Variants in GRIK2 observed in about 807,000 individuals in gnomAD.
The protein encoded by GRIK2 is glutamate ionotropic receptor kainate type subunit 2.
A neutral mutation model predicts 100.3 loss-of-function variants in GRIK2; 32 were observed. The observed-to-expected ratio is 0.32, with a 90% CI of 0.24 to 0.43. The LOEUF is 0.43. GRIK2 is among the 20% of genes least tolerant of loss of function. The probability of loss-of-function intolerance (pLI) is 1.00; values close to 1 mark genes in which losing one functional copy is unlikely to be tolerated. For synonymous variants in GRIK2, 417 were observed against 389.4 expected, an observed-to-expected ratio of 1.07 and a Z score of -0.83; for missense variants, 843 against 1,114.9, an observed-to-expected ratio of 0.76 and a Z score of 3.47.
chr6:101,482,644 A>T (rs1196533690), intron 2 of GRIK2, among the ~76,000 whole-genome samples: 1 of 152,180 alleles, frequency 6.6e-6, no homozygotes, highest in African/African-American at 2.4e-5. Flanking sequence ...AAGTTTAAGT[A>T]GATTTGAGGC....
chr6:101,681,404 ATTTT>A (rs149557882), intron 5 of GRIK2, among the ~76,000 whole-genome samples: 6,934 of 111,978 alleles, frequency 0.062, 375 homozygotes, highest in African/African-American at 0.2. Flanking sequence ...TTTCTTTTCT[ATTTT>A]TTTTTTTTTT....
intron 2 of GRIK2, among the ~76,000 whole-genome samples, chr6:101,591,669 G>A (rs1410987404): frequency 3.3e-5 from 5 of 151,980 alleles, no homozygotes; most frequent in Non-Finnish European, 7.4e-5. Flanking sequence ...AATAAGAAAT[G>A]TACTGTTAAC....
chr6:101,831,788 T>A (rs553326420), intron 10 of GRIK2, among the ~76,000 whole-genome samples: 19 of 152,242 alleles, frequency 1.2e-4, no homozygotes, highest in African/African-American at 4.6e-4. Context: ...GCAATGAAAA[T>A]ACTAGTAGTT....
chr6:101,782,072 T>C (rs1039543701), intron 7 of GRIK2, among the ~76,000 whole-genome samples: 11 of 152,166 alleles, frequency 7.2e-5, no homozygotes, highest in Non-Finnish European at 1.0e-4. Context: ...CATGTGATCA[T>C]TTGTTACATC....
intron 2 of GRIK2, among the ~76,000 whole-genome samples, chr6:101,509,036 T>C (rs138626959): frequency 1.3e-5 from 2 of 151,568 alleles, no homozygotes; most frequent in East Asian, 2.0e-4. Context: ...CGGGCACCTG[T>C]AGTCACAGCT....
chr6:101,454,063 G>A (rs1180050192), intron 2 of GRIK2, among the ~76,000 whole-genome samples: 2 of 152,054 alleles, frequency 1.3e-5, no homozygotes, highest in East Asian at 1.9e-4. Flanking sequence ...GAAGAAGGGG[G>A]ACAATTGAGT....
At chr6:101,907,271 A>G (rs534310256) in intron 12 of GRIK2, among the ~76,000 whole-genome samples, 36 of 151,876 alleles carry the variant, frequency 2.4e-4, no homozygotes, top group Admixed American at 7.3e-4. Flanking sequence ...ATAGTTTATA[A>G]ACATCATCTG....
At chr6:101,843,350 T>C (rs1384575360) in intron 10 of GRIK2, among the ~76,000 whole-genome samples, 4 of 152,170 alleles carry the variant, frequency 2.6e-5, no homozygotes, top group Non-Finnish European at 2.9e-5. Context: ...TCTTTCTTGC[T>C]CCACACTTTT....
chr6:101,536,454 G>T lies in GRIK2; in HGVS notation c.116-85495G>T, dbSNP rs573378604. Among the ~76,000 whole-genome samples, 62 of 151,626 alleles carry T rather than the reference G, an allele frequency of 4.1e-4. 1 individual carries two copies. The highest frequency in any genetic ancestry group is 8.6e-4 in the Non-Finnish European group (58 of 67,678). On this transcript the variant is annotated intron_variant, in intron 2 of 16. Transcript: ENST00000369134. ...ACAAAATCTAAGAGTTGGGGTATAA[G>T]GGGTAGGACCACACAAAAAGCAAAA...
intron 10 of GRIK2, among the ~76,000 whole-genome samples, chr6:101,819,643 A>C (rs1041943552): frequency 6.6e-6 from 1 of 152,138 alleles, no homozygotes; most frequent in Non-Finnish European, 1.5e-5. Context: ...CCTCTTCTTC[A>C]GTCAAAATGT....
At chr6:102,006,392 T>TATA (rs1562105606) in intron 14 of GRIK2, among the ~76,000 whole-genome samples, 3,024 of 95,948 alleles carry the variant, frequency 0.032, 81 homozygotes, top group East Asian at 0.19. Context: ...ATATATATAT[T>TATA]TTTTTTTTTT....
intron 1 of GRIK2, among the ~76,000 whole-genome samples, chr6:101,396,353 T>C (rs978209629): frequency 2.6e-5 from 4 of 151,928 alleles, no homozygotes; most frequent in East Asian, 1.9e-4. Flanking sequence ...TGATAACTAA[T>C]TGTACATTTA....
chr6:101,671,019 G>T (rs1215893710), intron 4 of GRIK2, among the ~76,000 whole-genome samples: 1 of 152,130 alleles, frequency 6.6e-6, no homozygotes, highest in Non-Finnish European at 1.5e-5. Flanking sequence ...ATTTACATTT[G>T]ACGCTCACAA....
chr6:101,802,420 G>A lies in GRIK2; in HGVS notation c.1185G>A (p.Lys395=), dbSNP rs751484743. The change falls in exon 9 of 17, where the codon AAG becomes AAA. Residue 395 remains lysine (K), a synonymous_variant. Transcript: ENST00000369134. The part of the protein sequence containing the change: ...TDFDLDVISL[K]EEGLEKIGTW... ...TTGATTTGGATGTGATCAGTCTGAA[G>A]GAAGAAGGTCTAGAAAAGGTATTTC... The A allele has an allele frequency of 1.3e-6, 2 of 1,545,912 alleles. No homozygotes were observed. Among genetic ancestry groups the A allele is most frequent in the East Asian group, 4.6e-5 (2 of 43,206 alleles).
At chr6:101,415,083 A>G (rs1459040595) in intron 2 of GRIK2, among the ~76,000 whole-genome samples, 2 of 150,800 alleles carry the variant, frequency 1.3e-5, no homozygotes, top group Non-Finnish European at 3.0e-5. Context: ...TGAAAATAAA[A>G]CCTCCCATAA....
At chr6:101,551,571 T>C (rs532734509) in intron 2 of GRIK2, among the ~76,000 whole-genome samples, 64 of 152,264 alleles carry the variant, frequency 4.2e-4, no homozygotes, top group Middle Eastern at 6.8e-3. Flanking sequence ...ATTATTTTCA[T>C]TGATTTATTT....
At chr6:101,501,846 CT>C (rs1360843096) in intron 2 of GRIK2, among the ~76,000 whole-genome samples, 9 of 152,168 alleles carry the variant, frequency 5.9e-5, no homozygotes, top group Non-Finnish European at 1.5e-5. Flanking sequence ...CAACCTCCGT[CT>C]CCTGGGTTCA....
intron 12 of GRIK2, among the ~76,000 whole-genome samples, chr6:101,905,764 A>T (rs1220911947): frequency 6.6e-6 from 1 of 151,328 alleles, no homozygotes; most frequent in Non-Finnish European, 1.5e-5. Flanking sequence ...AGTGTGCAAA[A>T]TTTATTTTTT....
intron 4 of GRIK2, among the ~76,000 whole-genome samples, chr6:101,664,945 AC>A (rs1402459283): frequency 1.3e-5 from 2 of 151,882 alleles, no homozygotes; most frequent in African/African-American, 4.8e-5. Flanking sequence ...GTATAGAAAA[AC>A]CCACCCCCAT....
Sources: allele counts gnomAD v4.1 joint callset (sites outside exome capture counted in the v4.1 genomes callset), GRCh38; gene constraint gnomAD v4.1.1; transcripts MANE v1.5; gene names NCBI Gene and HGNC (gene_info 2026-07-23, HGNC 2026-07-21).